Variants in ZNF821 observed in about 807,000 individuals in gnomAD.
The protein encoded by ZNF821 is zinc finger protein 821.
Under a neutral mutation model 44.3 loss-of-function variants are expected in ZNF821, and 16 were observed. The observed-to-expected ratio is 0.36, with a 90% confidence interval of 0.24 to 0.55. The LOEUF (loss-of-function observed/expected upper bound fraction) is 0.55, where lower values mean the gene tolerates loss of function less well. Among genes scored for constraint, ZNF821 ranks in the 20% least tolerant of loss-of-function variants. The pLI, the probability that ZNF821 is intolerant of heterozygous loss-of-function variation, is 0.86. For missense variants in ZNF821, 436 were observed against 547.6 expected, an observed-to-expected ratio of 0.80 and a Z score of 2.03; for synonymous variants, 204 against 197.6, an observed-to-expected ratio of 1.03 and a Z score of -0.27.
chr16:71,891,645 C>T (rs772333697), intron 1 of ZNF821, among the ~76,000 whole-genome samples: 4 of 152,096 alleles, frequency 2.6e-5, no homozygotes, highest in African/African-American at 9.7e-5. Context: ...AGGCCGAAGC[C>T]GGCAGATCAC....
rs1213548112 is a variant in ZNF821, at chr16:71,864,250, T to G, written c.313-8A>C. Reference sequence around the variant, plus strand: ...ATTCAAATTCCCTGTGACCTGTGATTCAACAAATAGGCAACTCATTAGGAC... The same window carrying G: ...ATTCAAATTCCCTGTGACCTGTGATGCAACAAATAGGCAACTCATTAGGAC... On this transcript the variant is annotated splice_region_variant and splice_polypyrimidine_tract_variant and intron_variant, in intron 5 of 7. Coordinates refer to ENST00000425432, the MANE Select transcript of ZNF821 (RefSeq NM_001201552.2). 6.2e-7 allele frequency: 1 copy of G among 1,613,088 alleles called. No individual in the cohort carries two copies. The highest frequency in any genetic ancestry group is 1.1e-5 in the South Asian group (1 of 91,048).
chr16:71,870,908 T>G (rs1438845020), intron 3 of ZNF821, among the ~76,000 whole-genome samples: 1 of 152,170 alleles, frequency 6.6e-6, no homozygotes, highest in Non-Finnish European at 1.5e-5. Context: ...GGGAAGACCT[T>G]TCTCATCAGT....
intron 3 of ZNF821, among the ~76,000 whole-genome samples, 186 bp downstream of exon 3, chr16:71,879,721 A>G (rs977506312): frequency 6.6e-5 from 10 of 152,024 alleles, no homozygotes; most frequent in African/African-American, 2.4e-4. Flanking sequence ...CTTTAAATCC[A>G]CCATTTCCAA....
chr16:71,883,125 T>A (rs1305836025), intron 2 of ZNF821, 86 bp downstream of exon 2: 1 of 456,352 alleles, frequency 2.2e-6, no homozygotes, highest in East Asian at 6.9e-5. Flanking sequence ...AGGTATTAGG[T>A]TGCAGCGTCT....
At chr16:71,874,819 C>T (rs1383183087) in intron 3 of ZNF821, among the ~76,000 whole-genome samples, 5 of 152,168 alleles carry the variant, frequency 3.3e-5, no homozygotes, top group Non-Finnish European at 5.9e-5. Context: ...TTCTATTTCA[C>T]TGCAAGGTGA....
chr16:71,880,098 C>G, intron 2 of ZNF821, 75 bp from the exon 3 acceptor site: 1 of 638,722 alleles, frequency 1.6e-6, no homozygotes, highest in Non-Finnish European at 2.6e-6. Flanking sequence ...ATAAAATGTC[C>G]TTAAAAAACA....
intron 6 of ZNF821, among the ~76,000 whole-genome samples, chr16:71,863,569 T>C (rs2034177726): frequency 6.6e-6 from 1 of 152,054 alleles, no homozygotes; most frequent in Non-Finnish European, 1.5e-5. Flanking sequence ...AAAAAAATTT[T>C]GTAGGGCTGG....
upstream of ZNF821, among the ~76,000 whole-genome samples, chr16:71,888,047 T>C (rs2036868372): frequency 6.6e-6 from 1 of 152,022 alleles, no homozygotes; most frequent in Non-Finnish European, 1.5e-5. Context: ...TGAATAATTT[T>C]TGTATTTTTT....
intron 2 of ZNF821, among the ~76,000 whole-genome samples, 193 bp from the exon 3 acceptor site, chr16:71,880,216 G>C (rs1465635586): frequency 6.6e-6 from 1 of 152,148 alleles, no homozygotes; most frequent in Non-Finnish European, 1.5e-5. Context: ...AAGTTTAAGA[G>C]GGGACTCCCT....
intron 2 of ZNF821, among the ~76,000 whole-genome samples, chr16:71,882,679 G>C (rs569640744): frequency 1.3e-5 from 2 of 152,172 alleles, no homozygotes; most frequent in South Asian, 2.1e-4. Flanking sequence ...CCCACACAAC[G>C]AAACGAAAAT....
intron 2 of ZNF821, 177 bp from the exon 3 acceptor site, chr16:71,880,200 C>T (rs192039428): frequency 3.6e-4 from 145 of 402,250 alleles, no homozygotes; most frequent in African/African-American, 2.6e-3. Flanking sequence ...ACGTCAAGGT[C>T]CCAGAAAGTT....
At chr16:71,894,321 C>T (rs2036922248) in intron 1 of ZNF821, 1 of 151,670 alleles carries the variant, frequency 6.6e-6, no homozygotes, top group Non-Finnish European at 1.5e-5. Flanking sequence ...AGGGCAATCG[C>T]CGGATCTCGG....
At chr16:71,895,162 G>C (rs558198598) in exon 1 of ZNF821, 1 of 255,596 alleles carries the variant, frequency 3.9e-6, no homozygotes, top group Non-Finnish European at 7.7e-6. Flanking sequence ...CGTCAGAGAG[G>C]CGGTACTGGC....
intron 3 of ZNF821, among the ~76,000 whole-genome samples, chr16:71,879,136 A>G (rs1461749133): frequency 6.6e-6 from 1 of 152,124 alleles, no homozygotes; most frequent in Non-Finnish European, 1.5e-5. Flanking sequence ...CTATAGAATG[A>G]ACTTTGAACT....
intron 2 of ZNF821, chr16:71,881,384 T>TCAGG (rs2036407944): frequency 6.6e-6 from 1 of 152,236 alleles, no homozygotes; most frequent in South Asian, 2.1e-4. Context: ...GAAGCAGCTT[T>TCAGG]CAGGCAGTCT....
At chr16:71,876,822 G>C (rs1458065592) in intron 3 of ZNF821, among the ~76,000 whole-genome samples, 1 of 151,810 alleles carries the variant, frequency 6.6e-6, no homozygotes, top group African/African-American at 2.4e-5. Context: ...TGCCCATGCT[G>C]CACTCAAACT....
upstream of ZNF821, among the ~76,000 whole-genome samples, chr16:71,886,660 A>G (rs1051275074): frequency 1.6e-4 from 24 of 152,226 alleles, no homozygotes; most frequent in Non-Finnish European, 3.5e-4. Context: ...CATTTTTTTA[A>G]ATTAAGGTAT....
chr16:71,861,373 C>T (rs1052503994), intron 7 of ZNF821, among the ~76,000 whole-genome samples: 2 of 152,242 alleles, frequency 1.3e-5, no homozygotes, highest in Non-Finnish European at 2.9e-5. Flanking sequence ...CCTTCCCTCA[C>T]ACTACCTGCA....
intron 4 of ZNF821, among the ~76,000 whole-genome samples, chr16:71,865,280 G>A (rs1171678640): frequency 6.6e-6 from 1 of 152,100 alleles, no homozygotes; most frequent in Non-Finnish European, 1.5e-5. Context: ...ATTGGAAATG[G>A]TTATCGTGCC....
Sources: gnomAD v4.1 joint callset for allele counts (sites outside exome capture counted in the v4.1 genomes callset) on GRCh38, gnomAD v4.1.1 for gene constraint, MANE v1.5 for transcripts, NCBI Gene and HGNC (gene_info 2026-07-23, HGNC 2026-07-21) for gene names.